GAD2: variants seen among roughly 807,000 people sequenced by gnomAD.
GAD2 encodes the protein 65 kDa glutamic acid decarboxylase.
In GAD2, 22 loss-of-function variants were observed where a neutral mutation model predicts 80.1. The ratio of observed to expected loss-of-function variants is 0.27; its 90% confidence interval spans 0.20 to 0.39. The LOEUF (loss-of-function observed/expected upper bound fraction) is 0.39, where lower values mean the gene tolerates loss of function less well. Among genes scored for constraint, GAD2 ranks in the 10% least tolerant of loss-of-function variants. GAD2 has a pLI of 1.00. For missense variants in GAD2, 624 were observed against 738.4 expected (o/e 0.85, Z 1.80); for synonymous variants, 274 against 256.9 (o/e 1.07, Z -0.64).
At chr10:26,228,938 C>T (rs1042567564) in intron 6 of GAD2, among the ~76,000 whole-genome samples, 4 of 152,078 alleles carry the variant, frequency 2.6e-5, no homozygotes, top group Admixed American at 6.6e-5. Flanking sequence ...ACCTGTAATC[C>T]TAGCACTTTG....
chr10:26,246,743 T>A (rs1421848086), intron 8 of GAD2, among the ~76,000 whole-genome samples: 2 of 152,180 alleles, frequency 1.3e-5, no homozygotes, highest in Non-Finnish European at 2.9e-5. Context: ...TTGATCCCGG[T>A]TCCCTGCCAG....
chr10:26,280,982 C>T (rs1490497548), intron 11 of GAD2, 27 bp from the exon 12 acceptor site: 2 of 1,589,180 alleles, frequency 1.3e-6, no homozygotes, highest in Non-Finnish European at 1.7e-6. Flanking sequence ...TGGAGTGCCA[C>T]CCGCTTATGT....
chr10:26,245,832 G>GA, intron 7 of GAD2, 89 bp from the exon 8 acceptor site: 1 of 1,037,774 alleles, frequency 9.6e-7, no homozygotes, highest in Non-Finnish European at 1.4e-6. Context: ...GAAATGAAAG[G>GA]AAAAAAGGAA....
intron 13 of GAD2, among the ~76,000 whole-genome samples, chr10:26,291,792 T>C (rs1834216529): frequency 6.6e-6 from 1 of 152,178 alleles, no homozygotes; most frequent in Non-Finnish European, 1.5e-5. Flanking sequence ...GACTGTTGTG[T>C]TGGTTTTCCC....
chr10:26,239,373 G>T (rs1368764862), intron 7 of GAD2, among the ~76,000 whole-genome samples: 1 of 152,158 alleles, frequency 6.6e-6, no homozygotes, highest in Non-Finnish European at 1.5e-5. Flanking sequence ...TTCTGGAGCA[G>T]GTGCCAAGAA....
chr10:26,253,057 CTTTG>C (rs890873270), intron 8 of GAD2, among the ~76,000 whole-genome samples: 21 of 152,110 alleles, frequency 1.4e-4, no homozygotes, highest in South Asian at 2.1e-4. Flanking sequence ...TATAATAAAT[CTTTG>C]TTTGTTTGGA....
chr10:26,227,294 AG>A (rs1227024155), intron 6 of GAD2, among the ~76,000 whole-genome samples: 6 of 152,190 alleles, frequency 3.9e-5, no homozygotes, highest in African/African-American at 1.4e-4. Flanking sequence ...GAGGATTCGT[AG>A]GAAATAAGAG....
chr10:26,219,035 T>C lies in GAD2; in HGVS notation c.287-8T>C. On this transcript the variant is annotated splice_polypyrimidine_tract_variant and splice_region_variant and intron_variant, in intron 3 of 15. Transcript: ENST00000376261. ...ATTAAAATGTGGCATTTTAATTTCA[T>C]TCTTTAGACCTGCTGCCGGCGTGTG... 6.5e-7 allele frequency: 1 copy of C among 1,531,662 alleles called. No individual in the cohort carries two copies. The allele number at this position is 1,531,662 out of a possible 1,614,324, so 94.9% of individuals were successfully genotyped here.
At position 26,231,836 on chromosome 10, in the gene GAD2, G is replaced by T. The variant is rs928847940; in HGVS notation, c.840+2059G>T. Among the ~76,000 whole-genome samples, 16 of 152,148 alleles carry T rather than the reference G, an allele frequency of 1.1e-4. No individual in the cohort carries two copies. In the South Asian group the frequency reaches 1.9e-3, roughly 18 times the overall value. ...CAGAACCAGCAGCATAGCATCTTTG[G>T]ATCTCTCTCTTTCTCTCTCTCTCAC... On this transcript the variant is annotated intron_variant, in intron 7 of 15. Transcript: ENST00000376261.
At chr10:26,287,421 A>G (rs1426890736) in intron 13 of GAD2, among the ~76,000 whole-genome samples, 2 of 152,232 alleles carry the variant, frequency 1.3e-5, no homozygotes, top group African/African-American at 2.4e-5. Flanking sequence ...AAAGCATTGC[A>G]ATAGGAATAC....
At chr10:26,292,150 G>T (rs1834221675) in intron 13 of GAD2, among the ~76,000 whole-genome samples, 1 of 152,138 alleles carries the variant, frequency 6.6e-6, no homozygotes, top group Admixed American at 6.5e-5. Flanking sequence ...TGTTATTAAT[G>T]ACTTCCATGA....
At chr10:26,255,204 C>A (rs1278735730) in intron 8 of GAD2, among the ~76,000 whole-genome samples, 1 of 152,150 alleles carries the variant, frequency 6.6e-6, no homozygotes, top group Non-Finnish European at 1.5e-5. Flanking sequence ...GAATCAGAAA[C>A]CGGGGCCACG....
In GAD2 at chr10:26,229,547, A is replaced by G. The variant is rs17847108; in HGVS notation, c.725-115A>G. 107 of 686,918 alleles carry G rather than the reference A, an allele frequency of 1.6e-4. No individual in the cohort carries two copies. The East Asian group carries it at 2.6e-3, about 17-fold the overall frequency. The allele number at this position is 686,918 out of a possible 1,614,324, so 42.6% of individuals were successfully genotyped here. A position where few individuals can be genotyped will look rare whatever the true frequency, so the allele number is the denominator to read the frequency against. ...AGGATTCAGTTTAAAGATAGTCAAT[A>G]GGTTTTTCTTCTGAGTCCAAGGAGG... On this transcript the variant is annotated intron_variant, in intron 6 of 15. Coordinates refer to ENST00000376261, the MANE Select transcript of GAD2 (RefSeq NM_001134366.2).
chr10:26,294,356 T>A (rs527306263), intron 15 of GAD2, among the ~76,000 whole-genome samples: 2 of 152,306 alleles, frequency 1.3e-5, no homozygotes, highest in Non-Finnish European at 2.9e-5. Flanking sequence ...TTAACATCTG[T>A]CCTTAAGCAA....
At chr10:26,234,318 A>G (rs942351415) in intron 7 of GAD2, among the ~76,000 whole-genome samples, 2 of 139,904 alleles carry the variant, frequency 1.4e-5, no homozygotes, top group African/African-American at 5.4e-5. Context: ...AGTGAGTGAG[A>G]CTCCGTCAAA....
chr10:26,288,175 T>C (rs1390968924), intron 13 of GAD2, among the ~76,000 whole-genome samples: 2 of 152,234 alleles, frequency 1.3e-5, no homozygotes, highest in Non-Finnish European at 2.9e-5. Context: ...TTAAGTCCAT[T>C]CTGGCAAAAA....
At chr10:26,235,953 C>G (rs527526374) in intron 7 of GAD2, among the ~76,000 whole-genome samples, 2 of 152,314 alleles carry the variant, frequency 1.3e-5, no homozygotes, top group East Asian at 3.9e-4. Flanking sequence ...CAAACAGTGG[C>G]TCTTTAGGCA....
intron 7 of GAD2, among the ~76,000 whole-genome samples, chr10:26,234,627 T>C (rs1844647694): frequency 1.3e-5 from 2 of 152,236 alleles, no homozygotes; most frequent in Admixed American, 6.5e-5. Context: ...TGTGTGACAC[T>C]GGACAAGTTA....
intron 8 of GAD2, among the ~76,000 whole-genome samples, chr10:26,247,920 A>C (rs1303306470): frequency 3.9e-5 from 1 of 25,674 alleles, no homozygotes; most frequent in African/African-American, 5.2e-5. Context: ...AAAGGAAAAG[A>C]AAAAAAAAAA....
Sources: gnomAD v4.1 joint callset for allele counts (sites outside exome capture counted in the v4.1 genomes callset) on GRCh38, gnomAD v4.1.1 for gene constraint, MANE v1.5 for transcripts, NCBI Gene and HGNC (gene_info 2026-07-23, HGNC 2026-07-21) for gene names.